The following MINDY3 variants were observed in gnomAD, a reference collection of about 807,000 sequenced individuals.
MINDY3 encodes the protein ubiquitin carboxyl-terminal hydrolase MINDY-3.
MINDY3 carries 38 observed loss-of-function variants against 69.2 expected under a neutral mutation model. The ratio of observed to expected loss-of-function variants is 0.55; its 90% CI spans 0.42 to 0.72. The LOEUF is 0.72. MINDY3 is among the 30% of genes least tolerant of loss of function. The pLI is 0.00. For missense variants in MINDY3, 522 were observed against 519.0 expected, an observed-to-expected ratio of 1.01 and a Z score of -0.06; for synonymous variants, 192 against 180.1, an observed-to-expected ratio of 1.07 and a Z score of -0.53.
At chr10:15,781,170 G>GACAAAAACATC (rs1836499482) in intron 14 of MINDY3, among the ~76,000 whole-genome samples, 1 of 151,708 alleles carries the variant, frequency 6.6e-6, no homozygotes, top group African/African-American at 2.4e-5. Context: ...TTTGGATGCT[G>GACAAAAACATC]TATATATATA....
intron 14 of MINDY3, among the ~76,000 whole-genome samples, chr10:15,780,649 T>C (rs1836454994): frequency 6.6e-6 from 1 of 152,236 alleles, no homozygotes; most frequent in Non-Finnish European, 1.5e-5. Context: ...GACCTTGCTA[T>C]GCAGCTTATA....
At chr10:15,799,481 G>A (rs767106323) in intron 10 of MINDY3, among the ~76,000 whole-genome samples, 5 of 152,110 alleles carry the variant, frequency 3.3e-5, no homozygotes, top group Non-Finnish European at 7.4e-5. Flanking sequence ...ACAGGCTTGA[G>A]CCACTGCAAC....
intron 10 of MINDY3, among the ~76,000 whole-genome samples, chr10:15,799,545 A>G (rs1468487939): frequency 2.6e-5 from 4 of 152,122 alleles, no homozygotes; most frequent in Non-Finnish European, 5.9e-5. Flanking sequence ...GGGGGAGTAA[A>G]GACATCTTAA....
intron 9 of MINDY3, among the ~76,000 whole-genome samples, chr10:15,821,323 TAAAG>T (rs147611137): frequency 0.015 from 2,340 of 152,296 alleles, 47 homozygotes; most frequent in African/African-American, 0.05. Flanking sequence ...CGTTAGGTAA[TAAAG>T]AAACAGTGCT....
At chr10:15,801,129 A>C (rs559310706) in intron 10 of MINDY3, among the ~76,000 whole-genome samples, 41 of 152,290 alleles carry the variant, frequency 2.7e-4, no homozygotes, top group African/African-American at 8.7e-4. Flanking sequence ...AGAAGAAAGA[A>C]TATCTGCCTG....
intron 1 of MINDY3, among the ~76,000 whole-genome samples, chr10:15,850,539 G>C (rs1440142233): frequency 1.3e-5 from 2 of 152,174 alleles, no homozygotes; most frequent in Non-Finnish European, 2.9e-5. Context: ...TACAGTTGTA[G>C]ATAAGGGACG....
chr10:15,836,847 C>T (rs994348695), intron 6 of MINDY3, among the ~76,000 whole-genome samples: 2 of 151,316 alleles, frequency 1.3e-5, no homozygotes, highest in Non-Finnish European at 3.0e-5. Flanking sequence ...AAAACTCACA[C>T]AGTGATTTTT....
chr10:15,816,292 AAAAAT>A (rs1839365826), intron 10 of MINDY3, among the ~76,000 whole-genome samples: 1 of 151,540 alleles, frequency 6.6e-6, no homozygotes, highest in African/African-American at 2.4e-5. Flanking sequence ...GAAAAAGAAA[AAAAAT>A]AAAAAAGACA....
intron 8 of MINDY3, among the ~76,000 whole-genome samples, chr10:15,830,443 T>C (rs186659713): frequency 9.2e-5 from 14 of 152,342 alleles, no homozygotes; most frequent in African/African-American, 2.6e-4. Context: ...GTTTAATAAA[T>C]GGCGCAACTG....
At chr10:15,858,052 G>A in intron 1 of MINDY3, 1 of 411,088 alleles carries the variant, frequency 2.4e-6, no homozygotes, top group South Asian at 1.0e-4. Flanking sequence ...CCAAAGGACT[G>A]CCACAGCAAT....
At chr10:15,791,220 A>G (rs1298624862) in intron 11 of MINDY3, among the ~76,000 whole-genome samples, 1 of 152,096 alleles carries the variant, frequency 6.6e-6, no homozygotes, top group Non-Finnish European at 1.5e-5. Context: ...TTTCAAAATT[A>G]TTTTCCTTTG....
At chr10:15,787,807 G>A (rs1041323945) in intron 12 of MINDY3, among the ~76,000 whole-genome samples, 1 of 151,998 alleles carries the variant, frequency 6.6e-6, no homozygotes, top group Non-Finnish European at 1.5e-5. Context: ...GAGTAAGGCC[G>A]GGAAGTTATG....
At chr10:15,816,738 A>T in intron 10 of MINDY3, 97 bp downstream of exon 10, 2 of 815,024 alleles carry the variant, frequency 2.5e-6, no homozygotes, top group African/African-American at 1.7e-5. Flanking sequence ...TTGTGGGAAT[A>T]GACTGAAGTT....
intron 10 of MINDY3, among the ~76,000 whole-genome samples, chr10:15,815,322 C>T (rs937941288): frequency 5.3e-5 from 8 of 152,254 alleles, no homozygotes; most frequent in South Asian, 2.1e-4. Flanking sequence ...TAAAGCTTTC[C>T]GTGCTTGAGA....
chr10:15,811,315 T>C (rs1296091808), intron 10 of MINDY3, among the ~76,000 whole-genome samples: 4 of 152,192 alleles, frequency 2.6e-5, no homozygotes, highest in Admixed American at 2.6e-4. Context: ...ACTTTCATCA[T>C]ATTTAATCGC....
rs11253649 is a variant in MINDY3 at position 15,793,284 on chromosome 10, G to A, written c.955+2816C>T. Among the ~76,000 whole-genome samples, 956 of 152,228 alleles carry A rather than the reference G, an allele frequency of 6.3e-3. 8 individuals carry two copies. The highest frequency in any genetic ancestry group is 0.027 in the Middle Eastern group (8 of 294). On this transcript the variant is annotated intron_variant, in intron 11 of 14. Transcript: ENST00000277632. ...CTGCTTCTCTTTAAGCTGAGTAAGT[G>A]TGCTAGTCTCCCCTTTCTGAATCTG...
intron 12 of MINDY3, chr10:15,788,709 G>A (rs1189990855): frequency 6.6e-6 from 1 of 152,374 alleles, no homozygotes; most frequent in Admixed American, 6.5e-5. Flanking sequence ...AAACATAACA[G>A]TGAGAATGAA....
intron 1 of MINDY3, among the ~76,000 whole-genome samples, chr10:15,850,807 A>C (rs573637349): frequency 1.6e-4 from 25 of 152,242 alleles, no homozygotes; most frequent in African/African-American, 6.0e-4. Flanking sequence ...AGCTAATAAA[A>C]ACTTGCTGGT....
chr10:15,782,178 T>A lies in MINDY3; in HGVS notation c.1165A>T (p.Lys389Ter). The A allele has an allele frequency of 6.2e-7, 1 of 1,611,298 alleles. No individual in the cohort carries two copies. The highest frequency in any genetic ancestry group is 2.2e-5 in the East Asian group (1 of 44,830). Residue 389 changes from lysine (K) to a stop codon, truncating the protein, a stop_gained, in exon 14 of 15, where the codon AAG (lysine) becomes TAG (stop). Transcript: ENST00000277632. LOFTEE classifies it high-confidence loss of function. Reference protein sequence around the residue: ...SFTVYHYNGLKQSNYNEKVMY... With the variant: ...SFTVYHYNGL Reference sequence around the variant, plus strand: ...ACCTTTTCATTATAATTTGACTGCTTCAATCCATTGTAGTGGTAGACAGTA... The same window carrying A: ...ACCTTTTCATTATAATTTGACTGCTACAATCCATTGTAGTGGTAGACAGTA...
Sources: gnomAD v4.1 joint callset for allele counts (sites outside exome capture counted in the v4.1 genomes callset) on GRCh38, gnomAD v4.1.1 for gene constraint, MANE v1.5 for transcripts, NCBI Gene and HGNC (gene_info 2026-07-23, HGNC 2026-07-21) for gene names.